The following TMEM132D variants were observed in gnomAD, a reference collection of about 807,000 sequenced individuals.
TMEM132D encodes the protein transmembrane protein 132D, also known as mature OL transmembrane protein.
Under a neutral mutation model 62.3 loss-of-function variants are expected in TMEM132D, and 21 were observed. The ratio of observed to expected loss-of-function variants is 0.34; its 90% CI spans 0.24 to 0.49. TMEM132D has a LOEUF of 0.49. TMEM132D is among the 20% of genes least tolerant of loss of function. The pLI, the probability that TMEM132D is intolerant of heterozygous loss-of-function variation, is 0.99. For missense variants in TMEM132D, 1,346 were observed against 1,402.8 expected, an observed-to-expected ratio of 0.96 and a Z score of 0.65; for synonymous variants, 621 against 575.6, an observed-to-expected ratio of 1.08 and a Z score of -1.13.
chr12:129,566,497 C>G (rs1224963885), intron 2 of TMEM132D, among the ~76,000 whole-genome samples: 2 of 152,060 alleles, frequency 1.3e-5, no homozygotes, highest in Non-Finnish European at 2.9e-5. Flanking sequence ...CAGAAATGAC[C>G]AGCATTAATA....
At chr12:129,553,636 GCATTGAATGTGT>G (rs1281848616) in intron 2 of TMEM132D, among the ~76,000 whole-genome samples, 1 of 152,204 alleles carries the variant, frequency 6.6e-6, no homozygotes, top group South Asian at 2.1e-4. Flanking sequence ...CAACATGACA[GCATTGAATGTGT>G]CATTGGGAAG....
intron 1 of TMEM132D, among the ~76,000 whole-genome samples, chr12:129,893,853 C>A (rs1299267003): frequency 6.6e-6 from 1 of 152,238 alleles, no homozygotes; most frequent in Non-Finnish European, 1.5e-5. Flanking sequence ...TTGGGTCCAG[C>A]CCTCCTGCCA....
At chr12:129,092,702 A>T (rs1012736855) in intron 5 of TMEM132D, among the ~76,000 whole-genome samples, 3 of 152,248 alleles carry the variant, frequency 2.0e-5, no homozygotes, top group Non-Finnish European at 2.9e-5. Context: ...GTCTCAAAAA[A>T]GAAAGATAAC....
intron 1 of TMEM132D, among the ~76,000 whole-genome samples, chr12:129,834,948 CA>C (rs2137337872): frequency 6.6e-6 from 1 of 152,218 alleles, no homozygotes; most frequent in East Asian, 1.9e-4. Flanking sequence ...GGGAGAGGAA[CA>C]AACAGCAACG....
chr12:129,601,074 G>C, intron 2 of TMEM132D, among the ~76,000 whole-genome samples: 1 of 152,176 alleles, frequency 6.6e-6, no homozygotes, highest in East Asian at 1.9e-4. Flanking sequence ...CTTTTATTTA[G>C]TGTAGGCACC....
At chr12:129,750,843 CTCACCAAAAAAA>C (rs1869977717) in intron 1 of TMEM132D, among the ~76,000 whole-genome samples, 1 of 150,608 alleles carries the variant, frequency 6.6e-6, no homozygotes, top group Non-Finnish European at 1.5e-5. Context: ...GGATGTTTGC[CTCACCAAAAAAA>C]AAATAAATGT....
chr12:129,757,923 G>C (rs2137272405), intron 1 of TMEM132D, among the ~76,000 whole-genome samples: 1 of 152,046 alleles, frequency 6.6e-6, no homozygotes, highest in East Asian at 1.9e-4. Flanking sequence ...ATTTTTTTGA[G>C]ACAAAGTTTC....
At chr12:129,257,204 C>CTTTTTTTTTTT (rs10609616) in intron 4 of TMEM132D, among the ~76,000 whole-genome samples, 2 of 122,634 alleles carry the variant, frequency 1.6e-5, no homozygotes, top group African/African-American at 3.1e-5. Context: ...CTGTTTCTTT[C>CTTTTTTTTTTT]TTTTTTTTTT....
At chr12:129,839,194 C>A (rs906578504) in intron 1 of TMEM132D, among the ~76,000 whole-genome samples, 1 of 129,946 alleles carries the variant, frequency 7.7e-6, no homozygotes, top group Non-Finnish European at 1.6e-5. Flanking sequence ...TACAGTGATG[C>A]GATCTCAGCC....
At chr12:129,702,194 A>G (rs1451531218) in intron 1 of TMEM132D, among the ~76,000 whole-genome samples, 1 of 152,244 alleles carries the variant, frequency 6.6e-6, no homozygotes, top group East Asian at 1.9e-4. Flanking sequence ...CCAAACTCAG[A>G]GCAGGCTGAG....
chr12:129,883,040 G>C (rs139421077), intron 1 of TMEM132D, among the ~76,000 whole-genome samples: 2 of 152,124 alleles, frequency 1.3e-5, no homozygotes, highest in East Asian at 3.9e-4. Flanking sequence ...AATACACAAG[G>C]GACAGGGAAA....
chr12:129,473,069 T>C (rs1276047677), intron 3 of TMEM132D, among the ~76,000 whole-genome samples: 3 of 151,970 alleles, frequency 2.0e-5, no homozygotes, highest in Non-Finnish European at 4.4e-5. Context: ...TTCACCATGT[T>C]GGTCAGGCTG....
At chr12:129,571,497 AG>A (rs1435086719) in intron 2 of TMEM132D, among the ~76,000 whole-genome samples, 3 of 152,104 alleles carry the variant, frequency 2.0e-5, no homozygotes, top group Non-Finnish European at 4.4e-5. Flanking sequence ...GCTTGAACCC[AG>A]GAGGCAGAGC....
chr12:129,743,427 C>G (rs962573045), intron 1 of TMEM132D, among the ~76,000 whole-genome samples: 3 of 152,158 alleles, frequency 2.0e-5, no homozygotes, highest in Non-Finnish European at 4.4e-5. Flanking sequence ...CCCCCTTTTA[C>G]TCAGCACTTC....
At chr12:129,883,716 C>A (rs1364916896) in intron 1 of TMEM132D, among the ~76,000 whole-genome samples, 1 of 152,060 alleles carries the variant, frequency 6.6e-6, no homozygotes, top group East Asian at 1.9e-4. Flanking sequence ...CATGGGGGAA[C>A]AAAAGAGAGC....
intron 3 of TMEM132D, among the ~76,000 whole-genome samples, chr12:129,409,538 G>T (rs1472130213): frequency 6.6e-6 from 1 of 152,146 alleles, no homozygotes; most frequent in African/African-American, 2.4e-5. Flanking sequence ...CATCCTGTGG[G>T]AGCTGAGAAC....
At chr12:129,259,731 A>T (rs1022705821) in intron 4 of TMEM132D, among the ~76,000 whole-genome samples, 1 of 152,180 alleles carries the variant, frequency 6.6e-6, no homozygotes. Flanking sequence ...GGAGAAGTGG[A>T]TAGATTTGGG....
chr12:129,756,117 G>A (rs1870160407), intron 1 of TMEM132D, among the ~76,000 whole-genome samples: 1 of 152,172 alleles, frequency 6.6e-6, no homozygotes, highest in Admixed American at 6.5e-5. Flanking sequence ...GGGAGCCAGG[G>A]GATAGAGGTA....
intron 1 of TMEM132D, among the ~76,000 whole-genome samples, chr12:129,850,998 G>C (rs933413105): frequency 1.3e-5 from 2 of 152,166 alleles, no homozygotes; most frequent in Non-Finnish European, 2.9e-5. Flanking sequence ...GGTGTGTGTT[G>C]ATCAGAACAC....
Sources: allele counts gnomAD v4.1 joint callset (sites outside exome capture counted in the v4.1 genomes callset), GRCh38; gene constraint gnomAD v4.1.1; transcripts MANE v1.5; gene names NCBI Gene and HGNC (gene_info 2026-07-23, HGNC 2026-07-21).